The following LRRC37A2 variants were observed in gnomAD, a reference collection of about 807,000 sequenced individuals.
LRRC37A2 encodes the protein leucine rich repeat containing 37 member A2.
A neutral mutation model predicts 68.8 loss-of-function variants in LRRC37A2; 9 were observed. The observed-to-expected ratio is 0.13, with a 90% CI of 0.08 to 0.23. The LOEUF is 0.23. Ranked by LOEUF, LRRC37A2 falls within the 10% of genes least tolerant of loss-of-function variation. The pLI, the probability that LRRC37A2 is intolerant of heterozygous loss-of-function variation, is 1.00. For missense variants in LRRC37A2, 168 were observed against 950.4 expected, an observed-to-expected ratio of 0.18 and a Z score of 10.82; for synonymous variants, 63 against 367.6, an observed-to-expected ratio of 0.17 and a Z score of 9.48.
the LRRC37A2 span, among the ~76,000 whole-genome samples, chr17:46,792,847 A>T: frequency 1.3e-5 from 2 of 152,216 alleles, no homozygotes; most frequent in Non-Finnish European, 2.9e-5. Flanking sequence ...AAAGCACTTT[A>T]CATAGAATAC....
chr17:46,984,409 G>A, the LRRC37A2 span, among the ~76,000 whole-genome samples: 1 of 152,178 alleles, frequency 6.6e-6, no homozygotes, highest in African/African-American at 2.4e-5. Flanking sequence ...GGGTGAGTCT[G>A]TCAACTGGCT....
At chr17:46,801,665 A>T in the LRRC37A2 span, among the ~76,000 whole-genome samples, 8 of 152,216 alleles carry the variant, frequency 5.3e-5, no homozygotes, top group Non-Finnish European at 8.8e-5. Context: ...TTAAATTAAA[A>T]TAAGACTGAC....
At chr17:46,902,461 C>CGTGTGTGT in the LRRC37A2 span, among the ~76,000 whole-genome samples, 9,483 of 148,038 alleles carry the variant, frequency 0.064, 883 homozygotes, top group African/African-American at 0.21. Flanking sequence ...GGGAACAGTG[C>CGTGTGTGT]GTGTGTGTGT....
the LRRC37A2 span, among the ~76,000 whole-genome samples, chr17:46,893,768 C>T: frequency 4.6e-5 from 7 of 152,240 alleles, no homozygotes; most frequent in South Asian, 2.1e-4. Flanking sequence ...CTGTAACTGT[C>T]GGCAAAAGAA....
chr17:46,867,941 G>A, the LRRC37A2 span, among the ~76,000 whole-genome samples: 1,123 of 152,250 alleles, frequency 7.4e-3, 6 homozygotes, highest in Middle Eastern at 0.041. Context: ...CAAGGACCAT[G>A]GGGTGAAGGT....
chr17:46,638,751 T>C, the LRRC37A2 span, among the ~76,000 whole-genome samples: 1 of 127,198 alleles, frequency 7.9e-6, no homozygotes, highest in African/African-American at 3.3e-5. Context: ...CAAGTGATCC[T>C]CCCACCTCGG....
At chr17:46,781,815 C>T in the LRRC37A2 span, among the ~76,000 whole-genome samples, 4 of 152,322 alleles carry the variant, frequency 2.6e-5, no homozygotes, top group Admixed American at 6.5e-5. Context: ...AATTCCAGAG[C>T]CCCGGGTCTA....
the LRRC37A2 span, among the ~76,000 whole-genome samples, chr17:46,826,540 G>A: frequency 2.0e-5 from 3 of 152,228 alleles, no homozygotes; most frequent in African/African-American, 7.2e-5. Context: ...GGTTGCGTTA[G>A]AGCCCAGGTC....
the LRRC37A2 span, among the ~76,000 whole-genome samples, chr17:46,999,629 C>T: frequency 1.7e-3 from 258 of 151,884 alleles, no homozygotes; most frequent in African/African-American, 6.1e-3. Context: ...GGATTACAGG[C>T]GTGAGCCACC....
chr17:46,715,100 A>T, the LRRC37A2 span, among the ~76,000 whole-genome samples: 2 of 152,232 alleles, frequency 1.3e-5, no homozygotes, highest in Non-Finnish European at 2.9e-5. Flanking sequence ...CTTCAGATGG[A>T]TGGAGGAAGC....
chr17:46,485,994 AAAAC>A, the LRRC37A2 span, among the ~76,000 whole-genome samples: 2 of 79,464 alleles, frequency 2.5e-5, 1 homozygote, highest in African/African-American at 7.6e-5. Context: ...AAAAAAAAAA[AAAAC>A]AGAAAACCAT....
the LRRC37A2 span, among the ~76,000 whole-genome samples, chr17:46,781,174 G>A: frequency 6.6e-6 from 1 of 151,150 alleles, no homozygotes; most frequent in East Asian, 2.0e-4. Context: ...GTTACAGTGA[G>A]CCAGTTGCGC....
chr17:46,818,525 T>G, the LRRC37A2 span: 1 of 1,607,006 alleles, frequency 6.2e-7, no homozygotes, highest in South Asian at 1.1e-5. Flanking sequence ...TACCACCAAA[T>G]TGGGTAGCCA....
the LRRC37A2 span, chr17:46,851,643 GC>G: frequency 6.3e-6 from 8 of 1,275,730 alleles, no homozygotes; most frequent in Non-Finnish European, 5.9e-6. The surrounding 1 kb of genome is among the most constrained non-coding windows in gnomAD (Gnocchi z 4.3). Context: ...AGCACCATGC[GC>G]CCCCCGCCCG....
At chr17:46,492,224 C>T in the LRRC37A2 span, among the ~76,000 whole-genome samples, 2 of 151,462 alleles carry the variant, frequency 1.3e-5, 1 homozygote, top group East Asian at 3.9e-4. Context: ...CTCGGCCTCC[C>T]ATGGTGCCGG....
the LRRC37A2 span, chr17:46,704,720 T>A: frequency 3.1e-6 from 5 of 1,591,934 alleles, no homozygotes; most frequent in African/African-American, 2.7e-5. Context: ...TATTCTTAAA[T>A]CTTGGAAGTC....
chr17:46,381,089 CAAAAAAAAAAA>C, the LRRC37A2 span, among the ~76,000 whole-genome samples: 1 of 804 alleles, frequency 1.2e-3, no homozygotes, highest in African/African-American at 1.3e-3. Context: ...GACTCCGTCT[CAAAAAAAAAAA>C]AAAAAAAAAA....
the LRRC37A2 span, among the ~76,000 whole-genome samples, chr17:46,949,746 G>T: frequency 2.0e-5 from 3 of 152,218 alleles, no homozygotes; most frequent in African/African-American, 7.2e-5. Flanking sequence ...AATCTCAGAT[G>T]AGTCAGACTG....
At chr17:46,878,130 G>A in the LRRC37A2 span, among the ~76,000 whole-genome samples, 1 of 152,218 alleles carries the variant, frequency 6.6e-6, no homozygotes, top group South Asian at 2.1e-4. Context: ...TCCCCTTGCT[G>A]GAGGCATTGT....
Sources: gnomAD v4.1 joint callset for allele counts (sites outside exome capture counted in the v4.1 genomes callset) on GRCh38, gnomAD v4.1.1 for gene constraint, Gnocchi (gnomAD v3.1) non-coding constraint, MANE v1.5 for transcripts, NCBI Gene and HGNC (gene_info 2026-07-23, HGNC 2026-07-21) for gene names.